The following EDA2R variants were observed in gnomAD, a reference collection of about 807,000 sequenced individuals.
EDA2R encodes tumor necrosis factor receptor superfamily member 27.
A neutral mutation model predicts 20.1 loss-of-function variants in EDA2R; 26 were observed. That is an observed-to-expected ratio of 1.30 (90% CI 0.95 to 1.80). The LOEUF is 1.80. Ranked by LOEUF, EDA2R falls within the 40% of genes most tolerant of loss-of-function variation. EDA2R has a pLI of 0.00. For missense variants in EDA2R, 277 were observed against 228.7 expected, an observed-to-expected ratio of 1.21 and a Z score of -1.36; for synonymous variants, 114 against 88.7, an observed-to-expected ratio of 1.29 and a Z score of -1.60.
At chrX:66,606,427 T>C (rs1569230330) in intron 2 of EDA2R, among the ~76,000 whole-genome samples, 1 of 111,875 alleles carries the variant, frequency 8.9e-6, no homozygotes, top group Non-Finnish European at 1.9e-5. Flanking sequence ...ACATTCATTT[T>C]CCAGTGCATG....
At chrX:66,608,542 T>C (rs1353137071) in intron 2 of EDA2R, among the ~76,000 whole-genome samples, 1 of 112,159 alleles carries the variant, frequency 8.9e-6, no homozygotes, top group Non-Finnish European at 1.9e-5. Flanking sequence ...TGAGATGACA[T>C]ATAAGTGCCT....
At chrX:66,599,436 C>A in intron 6 of EDA2R, 38 bp downstream of exon 6, 2 of 1,037,714 alleles carry the variant, frequency 1.9e-6, no homozygotes, top group South Asian at 2.6e-5. Context: ...TTCTGTTTTG[C>A]TTTTTTTGTT....
In EDA2R at chrX:66,619,220, C is replaced by T. The variant is rs190871218; in HGVS notation, c.-10-3190G>A. Among the ~76,000 whole-genome samples, 725 of 111,606 alleles carry T rather than the reference C, an allele frequency of 6.5e-3. 4 individuals are homozygous for T. Among genetic ancestry groups the T allele is most frequent in the African/African-American group, 0.023 (704 of 30,719 alleles). The stretch of plus-strand genomic sequence containing the variant: ...CAGTTTCCTCCTCATTAATCGCAAC[C>T]ACCAGTGACCTGATGCTTAAGGAAA... On this transcript the variant is annotated intron_variant, in intron 1 of 6. Coordinates refer to ENST00000374719, the MANE Select transcript of EDA2R (RefSeq NM_021783.5).
intron 1 of EDA2R, among the ~76,000 whole-genome samples, chrX:66,634,338 G>A (rs1322079637): frequency 1.8e-5 from 2 of 111,971 alleles, no homozygotes; most frequent in Admixed American, 1.9e-4. Context: ...CATTCTTTGA[G>A]ACCATTTTTA....
Position 66,602,804 on chromosome X carries a change from G to A in EDA2R, c.353-7C>T, listed in dbSNP as rs1440739082. 5.1e-6 allele frequency: 6 copies of A among 1,169,484 alleles called. No individual in the cohort carries two copies. The Admixed American group carries it at 7.7e-5, about 15-fold the overall frequency. On this transcript the variant is annotated splice_region_variant and splice_polypyrimidine_tract_variant and intron_variant, in intron 4 of 6. Coordinates refer to ENST00000374719, the MANE Select transcript of EDA2R (RefSeq NM_021783.5). ...AAGCTCAACTGGAAGGCACCTGTGA[G>A]ACAAAAAAATGGGGGAGGTCAGTTA...
At chrX:66,607,019 C>T (rs1270022309) in intron 2 of EDA2R, among the ~76,000 whole-genome samples, 1 of 112,292 alleles carries the variant, frequency 8.9e-6, no homozygotes, top group Non-Finnish European at 1.9e-5. Flanking sequence ...CTGTCTGAAT[C>T]TGGGAGCAAA....
chrX:66,600,226 A>C (rs1928308917), intron 5 of EDA2R: 1 of 488,171 alleles, frequency 2.0e-6, no homozygotes, highest in Non-Finnish European at 3.4e-6. Context: ...ATGGAATTAA[A>C]GTTATGGATT....
rs1402375195 is a variant in EDA2R at position 66,605,207 on chromosome X, C to T, written c.107G>A (p.Gly36Asp). The T allele has an allele frequency of 8.3e-7, 1 of 1,207,495 alleles. No homozygotes were observed. The highest frequency in any genetic ancestry group is 1.1e-6 in the Non-Finnish European group (1 of 893,529). Residue 36 changes from glycine to aspartate, a missense_variant, in exon 3 of 7, where the codon GGT (glycine) becomes GAT (aspartate). Coordinates refer to ENST00000374719, the MANE Select transcript of EDA2R (RefSeq NM_021783.5). Reference protein sequence around the residue: ...ELSKDCGYGEGGDAYCTACPP... With the variant: ...ELSKDCGYGEDGDAYCTACPP... ...GCAGGCTGTGCAGTAGGCATCTCCA[C>T]CCTCTCCATAACCACAATCCTGTAG...
chrX:66,624,500 C>T (rs1602294336), intron 1 of EDA2R, among the ~76,000 whole-genome samples: 1 of 111,795 alleles, frequency 8.9e-6, no homozygotes, highest in Non-Finnish European at 1.9e-5. Flanking sequence ...GCCTGGGCAA[C>T]AGAGCAAGAC....
chrX:66,605,827 A>C, intron 2 of EDA2R, among the ~76,000 whole-genome samples: 1 of 112,673 alleles, frequency 8.9e-6, no homozygotes, highest in East Asian at 2.8e-4. Context: ...AAATAGTCAT[A>C]AGCACTACCC....
intron 1 of EDA2R, among the ~76,000 whole-genome samples, chrX:66,627,266 G>T (rs984201469): frequency 2.6e-4 from 29 of 112,049 alleles, no homozygotes; most frequent in African/African-American, 9.1e-4. Context: ...TGAATGCAAT[G>T]GTACCTCACA....
In EDA2R at chrX:66,596,301, TG is replaced by T. The variant is rs1927438970; in HGVS notation, c.*1802del. On this transcript the variant is annotated 3_prime_UTR_variant, in exon 7 of 7. Coordinates refer to ENST00000374719, the MANE Select transcript of EDA2R (RefSeq NM_021783.5). ...CTCTCCTGAAGCAAATACTCAACTA[TG>T]GTATTTGCCATGGCCAAACAGAAAT... The T allele has an allele frequency of 9.0e-6, 1 of 111,113 alleles. No individual in the cohort carries two copies. Among genetic ancestry groups the T allele is most frequent in the African/African-American group, 3.3e-5 (1 of 30,483 alleles). The allele number at this position is 111,113 out of a possible 1,213,427, so 9.2% of individuals were successfully genotyped here.
chrX:66,616,593 C>A (rs1206952890), intron 1 of EDA2R, among the ~76,000 whole-genome samples: 1 of 112,591 alleles, frequency 8.9e-6, no homozygotes, highest in Non-Finnish European at 1.9e-5. Context: ...GCCTCAGTAC[C>A]TCTGAGGACC....
chrX:66,609,238 C>T (rs953191244), intron 2 of EDA2R, among the ~76,000 whole-genome samples: 7 of 111,828 alleles, frequency 6.3e-5, no homozygotes, highest in Non-Finnish European at 1.3e-4. Context: ...CTTATGTCAC[C>T]AAACTTTAGT....
chrX:66,638,040 C>T (rs1258870835), intron 1 of EDA2R, among the ~76,000 whole-genome samples: 1 of 112,260 alleles, frequency 8.9e-6, no homozygotes. Flanking sequence ...ACAATCCTTA[C>T]TTGGCAGCCT....
At chrX:66,612,578 G>C (rs1040439693) in intron 2 of EDA2R, among the ~76,000 whole-genome samples, 1 of 110,846 alleles carries the variant, frequency 9.0e-6, no homozygotes, top group Non-Finnish European at 1.9e-5. Flanking sequence ...AATCATGATG[G>C]AATCCTAAAT....
intron 1 of EDA2R, among the ~76,000 whole-genome samples, chrX:66,620,766 G>T (rs1932461257): frequency 9.1e-6 from 1 of 109,732 alleles, no homozygotes; most frequent in Non-Finnish European, 1.9e-5. Context: ...TATCTGATAA[G>T]AGACTTGTAT....
At chrX:66,622,149 T>C (rs1932722378) in intron 1 of EDA2R, among the ~76,000 whole-genome samples, 1 of 111,822 alleles carries the variant, frequency 8.9e-6, no homozygotes, top group Admixed American at 9.5e-5. Context: ...ATTATTCCCT[T>C]ATTTTGCCTG....
At chrX:66,608,878 G>T (rs1192912028) in intron 2 of EDA2R, among the ~76,000 whole-genome samples, 1 of 111,682 alleles carries the variant, frequency 9.0e-6, no homozygotes, top group Non-Finnish European at 1.9e-5. Context: ...TATTGCTTAA[G>T]GCATACAGAG....
Sources: allele counts gnomAD v4.1 joint callset (sites outside exome capture counted in the v4.1 genomes callset), GRCh38; gene constraint gnomAD v4.1.1; transcripts MANE v1.5; gene names NCBI Gene and HGNC (gene_info 2026-07-23, HGNC 2026-07-21).